Variants in ALK observed in about 807,000 individuals in gnomAD.
ALK encodes the protein ALK tyrosine kinase receptor.
Under a neutral mutation model 163.1 loss-of-function variants are expected in ALK, and 74 were observed. The observed-to-expected ratio is 0.45, with a 90% confidence interval of 0.38 to 0.55. ALK has a LOEUF of 0.55. ALK is among the 20% of genes least tolerant of loss of function. The probability of loss-of-function intolerance (pLI) is 0.00; values close to 1 mark genes in which losing one functional copy is unlikely to be tolerated. For missense variants in ALK, 2,063 were observed against 2,105.3 expected, an observed-to-expected ratio of 0.98 and a Z score of 0.39; for synonymous variants, 960 against 843.2, an observed-to-expected ratio of 1.14 and a Z score of -2.40.
rs1202371049 is a variant in ALK at position 29,216,816 on chromosome 2, ATG to A, written c.3646-2737_3646-2736del. 2.1e-5 allele frequency among the ~76,000 whole-genome samples: 3 copies of A among 142,000 alleles called. No individual in the cohort carries two copies. The East Asian group carries it at 6.8e-4, about 32-fold the overall frequency. The allele number at this position is 142,000 out of a possible 152,430, so 93.2% of individuals were successfully genotyped here. A position where few individuals can be genotyped will look rare whatever the true frequency, so the allele number is the denominator to read the frequency against. ...ATGTGTGGGGGTGTATGTGGCATAT[ATG>A]TGTGTGGTGTGTATATGTGCAGTAT... On this transcript the variant is annotated intron_variant, in intron 23 of 28. Coordinates refer to ENST00000389048, the MANE Select transcript of ALK (RefSeq NM_004304.5).
chr2:29,368,413 C>A (rs1022716858), intron 5 of ALK, among the ~76,000 whole-genome samples: 2 of 152,122 alleles, frequency 1.3e-5, no homozygotes, highest in African/African-American at 4.8e-5. Context: ...CATACGTCAG[C>A]GGAATTTCTG....
At chr2:29,377,793 T>A (rs903213364) in intron 5 of ALK, among the ~76,000 whole-genome samples, 5 of 152,196 alleles carry the variant, frequency 3.3e-5, no homozygotes, top group African/African-American at 1.2e-4. Context: ...TCCATAATAA[T>A]GGGACTGCAT....
chr2:29,568,762 C>A (rs1449258961), intron 3 of ALK, among the ~76,000 whole-genome samples: 1 of 152,140 alleles, frequency 6.6e-6, no homozygotes, highest in Non-Finnish European at 1.5e-5. Context: ...GCTCTTCTCC[C>A]CTTTGGGGTC....
chr2:29,756,642 T>A (rs1680540862), intron 1 of ALK, among the ~76,000 whole-genome samples: 1 of 151,526 alleles, frequency 6.6e-6, no homozygotes, highest in Admixed American at 6.6e-5. Context: ...TTCTCCTGCC[T>A]CAGCCTCCTG....
chr2:29,512,042 T>G (rs62131071), intron 4 of ALK, among the ~76,000 whole-genome samples: 2 of 151,954 alleles, frequency 1.3e-5, no homozygotes, highest in Non-Finnish European at 2.9e-5. Context: ...TTTGAATATT[T>G]AAAAGTTTTA....
At chr2:29,706,779 A>G (rs183054213) in intron 2 of ALK, among the ~76,000 whole-genome samples, 4 of 152,308 alleles carry the variant, frequency 2.6e-5, no homozygotes, top group Admixed American at 2.0e-4. Context: ...AGAAAATTGA[A>G]AATAATTAAT....
At chr2:29,883,272 G>C (rs1382683284) in intron 1 of ALK, among the ~76,000 whole-genome samples, 1 of 152,224 alleles carries the variant, frequency 6.6e-6, no homozygotes, top group Non-Finnish European at 1.5e-5. Context: ...GCTAACTCCA[G>C]CTACTGAGGT....
intron 1 of ALK, among the ~76,000 whole-genome samples, chr2:29,833,028 G>A (rs1034079147): frequency 6.6e-6 from 1 of 152,158 alleles, no homozygotes; most frequent in Non-Finnish European, 1.5e-5. Context: ...CCCAGTGTGG[G>A]TGGGTGCACA....
At chr2:29,892,456 G>C (rs1184743576) in intron 1 of ALK, 4 of 152,166 alleles carry the variant, frequency 2.6e-5, no homozygotes, top group East Asian at 3.8e-4. Flanking sequence ...TCATCTGTTG[G>C]ACTGTGATTT....
chr2:29,534,201 C>T (rs1673192706), intron 3 of ALK, among the ~76,000 whole-genome samples: 1 of 152,076 alleles, frequency 6.6e-6, no homozygotes, highest in African/African-American at 2.4e-5. Context: ...AGTGGTGCAG[C>T]AGGAGAACTG....
chr2:29,309,549 C>T (rs1483465903), intron 8 of ALK, among the ~76,000 whole-genome samples: 2 of 152,138 alleles, frequency 1.3e-5, no homozygotes, highest in Non-Finnish European at 1.5e-5. Context: ...CTGGCAGAGT[C>T]GACCACTTAA....
intron 3 of ALK, among the ~76,000 whole-genome samples, chr2:29,637,127 C>G (rs1348953222): frequency 3.3e-5 from 5 of 152,188 alleles, no homozygotes; most frequent in African/African-American, 1.2e-4. Flanking sequence ...ACACAAAAAT[C>G]TGTACACAAA....
At chr2:29,300,384 A>T (rs554520499) in intron 8 of ALK, among the ~76,000 whole-genome samples, 6 of 152,018 alleles carry the variant, frequency 3.9e-5, no homozygotes, top group Non-Finnish European at 7.4e-5. Context: ...CCCCGACTCT[A>T]CTAAAAATAC....
intron 3 of ALK, among the ~76,000 whole-genome samples, chr2:29,586,887 A>G (rs1362446621): frequency 2.6e-5 from 4 of 152,210 alleles, no homozygotes; most frequent in African/African-American, 9.6e-5. Flanking sequence ...AGTTCCCACA[A>G]TTAAGGGTGA....
chr2:29,508,824 G>C (rs1353887309), intron 4 of ALK, among the ~76,000 whole-genome samples: 1 of 149,378 alleles, frequency 6.7e-6, no homozygotes, highest in Non-Finnish European at 1.5e-5. Context: ...TAGATCCCCA[G>C]GTGATTCACA....
At chr2:29,648,955 T>TTCCA (rs1041929877) in intron 3 of ALK, among the ~76,000 whole-genome samples, 2 of 152,152 alleles carry the variant, frequency 1.3e-5, no homozygotes, top group African/African-American at 4.8e-5. Context: ...GGAAATTATT[T>TTCCA]TCCATTCACA....
intron 4 of ALK, among the ~76,000 whole-genome samples, chr2:29,513,790 A>G (rs1220645075): frequency 6.7e-4 from 97 of 145,730 alleles, no homozygotes; most frequent in African/African-American, 2.3e-3. Flanking sequence ...AATGAACTCA[A>G]ACAAATTTAC....
intron 2 of ALK, among the ~76,000 whole-genome samples, chr2:29,707,021 G>A (rs1306241565): frequency 6.7e-6 from 1 of 148,558 alleles, no homozygotes; most frequent in Non-Finnish European, 1.5e-5. Flanking sequence ...GTGTGTGTGT[G>A]TGTGTGTGTT....
chr2:29,219,323 C>G (rs1534547), intron 23 of ALK, among the ~76,000 whole-genome samples: 141,490 of 152,242 alleles, frequency 0.93, 66,592 homozygotes, highest in Non-Finnish European at 1. Flanking sequence ...TACTGAGATG[C>G]GTCACCCAGT....
Sources: allele counts gnomAD v4.1 joint callset (sites outside exome capture counted in the v4.1 genomes callset), GRCh38; gene constraint gnomAD v4.1.1; transcripts MANE v1.5; gene names NCBI Gene and HGNC (gene_info 2026-07-23, HGNC 2026-07-21).